ASPH: variants seen among roughly 807,000 people sequenced by gnomAD.
The protein encoded by ASPH is aspartyl/asparaginyl beta-hydroxylase.
In ASPH, 100 loss-of-function variants were observed where a neutral mutation model predicts 118.4. The ratio of observed to expected loss-of-function variants is 0.84; its 90% CI spans 0.72 to 1.00. The LOEUF (loss-of-function observed/expected upper bound fraction) is 1.00, where lower values mean the gene tolerates loss of function less well. Ranked by LOEUF, ASPH falls within the 50% of genes least tolerant of loss-of-function variation. The pLI is 0.00. For synonymous variants in ASPH, 315 were observed against 325.6 expected (o/e 0.97, Z 0.35); for missense variants, 920 against 919.5 (o/e 1.00, Z -0.01).
chr8:61,594,958 G>A (rs1842128632), intron 14 of ASPH, among the ~76,000 whole-genome samples: 1 of 152,150 alleles, frequency 6.6e-6, no homozygotes, highest in Non-Finnish European at 1.5e-5. Flanking sequence ...CAGGATCTAT[G>A]TTTGACCGAT....
chr8:61,606,759 GTTT>G (rs1317087039), intron 14 of ASPH: 1 of 152,254 alleles, frequency 6.6e-6, no homozygotes, highest in Non-Finnish European at 1.5e-5. Flanking sequence ...CCCAAAAAGG[GTTT>G]TTAAGACAAG....
intron 3 of ASPH, among the ~76,000 whole-genome samples, chr8:61,668,798 T>C (rs962976576): frequency 6.6e-6 from 1 of 152,252 alleles, no homozygotes; most frequent in African/African-American, 2.4e-5. Context: ...GACAGTATTA[T>C]GTACATACAT....
intron 15 of ASPH, chr8:61,578,595 C>G: frequency 1.3e-6 from 2 of 1,525,936 alleles, no homozygotes; most frequent in Non-Finnish European, 1.8e-6. Context: ...GTGGAGCCTC[C>G]TGCAGCAGCA....
chr8:61,591,403 A>T (rs1419823227), intron 14 of ASPH, among the ~76,000 whole-genome samples: 1 of 152,126 alleles, frequency 6.6e-6, no homozygotes, highest in African/African-American at 2.4e-5. Flanking sequence ...TTAAAAAAAA[A>T]AAAAAGCAAG....
At position 61,548,150 on chromosome 8, in the gene ASPH, C is replaced by T. The variant is rs771474720; in HGVS notation, c.1685G>A (p.Arg562His). The T allele has an allele frequency of 8.7e-6, 14 of 1,613,778 alleles. No individual in the cohort carries two copies. The South Asian group carries it at 9.9e-5, about 11-fold the overall frequency. Reference protein sequence around the residue: ...KRGHFASVWQRSLYNVNGLKA... With the variant: ...KRGHFASVWQHSLYNVNGLKA... ...CAGTCCATTCACATTGTAGAGTGAG[C>T]GTTGCCAGACAGATGCAAAGTGTCC... Residue 562 changes from arginine to histidine, a missense_variant, in exon 21 of 25, where the codon CGC (arginine) becomes CAC (histidine). Arg to His is a conservative substitution (Grantham distance 29). Coordinates refer to ENST00000379454, the MANE Select transcript of ASPH (RefSeq NM_004318.4).
intron 24 of ASPH, among the ~76,000 whole-genome samples, chr8:61,507,897 CT>C (rs1400098562): frequency 1.3e-5 from 2 of 152,214 alleles, no homozygotes; most frequent in Non-Finnish European, 2.9e-5. Flanking sequence ...CTGTTACAGC[CT>C]TGTCTAAGGA....
chr8:61,709,939 A>G (rs971942702), intron 1 of ASPH, among the ~76,000 whole-genome samples: 1 of 152,224 alleles, frequency 6.6e-6, no homozygotes, highest in Non-Finnish European at 1.5e-5. Context: ...TATCTCAAGA[A>G]TATACATTTT....
chr8:61,642,272 G>C (rs1045979308), intron 10 of ASPH, among the ~76,000 whole-genome samples: 1 of 152,172 alleles, frequency 6.6e-6, no homozygotes, highest in Non-Finnish European at 1.5e-5. Context: ...ATTTAACTCC[G>C]GCTAAAGTAG....
At chr8:61,672,231 T>G (rs1018357477) in intron 3 of ASPH, among the ~76,000 whole-genome samples, 1 of 151,688 alleles carries the variant, frequency 6.6e-6, no homozygotes, top group Non-Finnish European at 1.5e-5. Context: ...TGTAATAATA[T>G]AGTACAGATT....
intron 22 of ASPH, 82 bp from the exon 23 acceptor site, chr8:61,518,205 G>T: frequency 1.7e-6 from 2 of 1,201,202 alleles, no homozygotes; most frequent in Non-Finnish European, 2.4e-6. Context: ...AGAGCTATAT[G>T]TCATCCTCAC....
intron 14 of ASPH, among the ~76,000 whole-genome samples, chr8:61,584,875 G>A (rs765016687): frequency 1.2e-4 from 18 of 151,924 alleles, no homozygotes; most frequent in Non-Finnish European, 2.4e-4. Flanking sequence ...TGTGAAAAAC[G>A]TGCCTATCCT....
chr8:61,622,845 A>T (rs1173431230), intron 13 of ASPH, among the ~76,000 whole-genome samples: 1 of 152,176 alleles, frequency 6.6e-6, no homozygotes, highest in East Asian at 1.9e-4. Flanking sequence ...ACATGTGCAC[A>T]CAGTACTCCG....
intron 2 of ASPH, chr8:61,682,473 C>T (rs1828575087): frequency 6.2e-7 from 1 of 1,612,522 alleles, no homozygotes; most frequent in Non-Finnish European, 8.5e-7. Flanking sequence ...AACGGAAGTC[C>T]TTTGCTTTGG....
intron 4 of ASPH, among the ~76,000 whole-genome samples, chr8:61,653,175 A>C (rs1404665303): frequency 6.6e-6 from 1 of 152,110 alleles, no homozygotes; most frequent in African/African-American, 2.4e-5. Context: ...TCATGTAAAA[A>C]AGACTGAGAA....
intron 14 of ASPH, among the ~76,000 whole-genome samples, chr8:61,603,722 C>T (rs1167853230): frequency 6.6e-6 from 1 of 152,174 alleles, no homozygotes; most frequent in Non-Finnish European, 1.5e-5. Context: ...CCAAGTACTT[C>T]ACACATTAGA....
At chr8:61,512,894 T>C (rs551714866) in intron 24 of ASPH, among the ~76,000 whole-genome samples, 2 of 152,188 alleles carry the variant, frequency 1.3e-5, no homozygotes, top group Non-Finnish European at 2.9e-5. Flanking sequence ...AAACAATACA[T>C]TTTTATTGAG....
At chr8:61,556,511 AC>A (rs1827933922) in intron 18 of ASPH, among the ~76,000 whole-genome samples, 1 of 152,238 alleles carries the variant, frequency 6.6e-6, no homozygotes, top group African/African-American at 2.4e-5. Context: ...CATTCATTCA[AC>A]AGAAAACTTC....
Position 61,646,858 on chromosome 8 carries a change from G to C in ASPH, c.511C>G (p.Gln171Glu). The C allele has an allele frequency of 5.0e-6, 8 of 1,613,858 alleles. No homozygotes were observed. The highest frequency in any genetic ancestry group is 1.7e-5 in the Admixed American group (1 of 59,992). The change falls in exon 6 of 25, where the codon CAA becomes GAA. Residue 171 changes from glutamine to glutamate, a missense_variant. Gln to Glu is a conservative substitution (Grantham distance 29). Transcript: ENST00000379454. ...AEHVEGEDLQ[Q>E]EDGPTGEPQQ... ...GGTTCTCCTGTGGGTCCATCTTCTT[G>C]TTGCAAGTCTTCTCCCTCAACTATG... is the stretch of plus-strand genomic sequence containing the variant.
At chr8:61,511,158 G>A (rs1201463018) in intron 24 of ASPH, among the ~76,000 whole-genome samples, 1 of 152,060 alleles carries the variant, frequency 6.6e-6, no homozygotes, top group East Asian at 1.9e-4. Context: ...CTTCCTAATT[G>A]GAACCTTGAG....
Sources: allele counts gnomAD v4.1 joint callset (sites outside exome capture counted in the v4.1 genomes callset), GRCh38; gene constraint gnomAD v4.1.1; transcripts MANE v1.5; gene names NCBI Gene and HGNC (gene_info 2026-07-23, HGNC 2026-07-21).